ARMC8: variants seen among roughly 807,000 people sequenced by gnomAD.
ARMC8 encodes armadillo repeat containing 8.
In ARMC8, 20 loss-of-function variants were observed where a neutral mutation model predicts 99.3. That is an observed-to-expected ratio of 0.20 (90% CI 0.14 to 0.29). ARMC8 has a LOEUF of 0.29. Ranked by LOEUF, ARMC8 falls within the 10% of genes least tolerant of loss-of-function variation. The pLI is 1.00. For missense variants in ARMC8, 569 were observed against 809.5 expected, an observed-to-expected ratio of 0.70 and a Z score of 3.60; for synonymous variants, 263 against 278.3, an observed-to-expected ratio of 0.95 and a Z score of 0.55.
intron 1 of ARMC8, among the ~76,000 whole-genome samples, chr3:138,197,262 T>C (rs1053646309): frequency 1.3e-5 from 2 of 152,218 alleles, no homozygotes; most frequent in Non-Finnish European, 2.9e-5. Flanking sequence ...ATGCACCAGC[T>C]GCTGCAAATG....
chr3:138,262,558 C>CTG (rs1349984040), intron 12 of ARMC8: 1 of 1,611,614 alleles, frequency 6.2e-7, no homozygotes, highest in Non-Finnish European at 8.5e-7. Flanking sequence ...GGTCAGTGAT[C>CTG]TTCAACCTTG....
At chr3:138,232,258 G>A (rs968329612) in intron 6 of ARMC8, among the ~76,000 whole-genome samples, 3 of 151,950 alleles carry the variant, frequency 2.0e-5, no homozygotes, top group African/African-American at 7.3e-5. Flanking sequence ...TTACAGACAT[G>A]AGCCACTGCG....
intron 21 of ARMC8, among the ~76,000 whole-genome samples, chr3:138,293,506 T>C (rs2051183584): frequency 6.6e-6 from 1 of 151,472 alleles, no homozygotes; most frequent in Admixed American, 6.6e-5. Flanking sequence ...ACCAGTGCAC[T>C]CCAGCCTAGG....
At chr3:138,286,728 GT>G (rs1220151522) in intron 19 of ARMC8, among the ~76,000 whole-genome samples, 1 of 152,072 alleles carries the variant, frequency 6.6e-6, no homozygotes, top group Non-Finnish European at 1.5e-5. Context: ...TACAGACAGA[GT>G]TGAGAACCAT....
intron 1 of ARMC8, chr3:138,187,918 C>G: frequency 4.8e-6 from 2 of 413,786 alleles, no homozygotes; most frequent in East Asian, 3.9e-5. Flanking sequence ...TTTCACTGAG[C>G]CTTCCTTTTA....
chr3:138,285,570 C>T (rs2050328947), intron 19 of ARMC8, among the ~76,000 whole-genome samples: 1 of 152,180 alleles, frequency 6.6e-6, no homozygotes, highest in African/African-American at 2.4e-5. Context: ...CTCAGCTGAA[C>T]TTATACTTTC....
In ARMC8 at chr3:138,267,028, A is replaced by C. The variant is rs983609292; in HGVS notation, c.1300-127A>C. On this transcript the variant is annotated intron_variant, in intron 14 of 21. Coordinates refer to ENST00000469044, the MANE Select transcript of ARMC8 (RefSeq NM_001363941.2). Reference sequence around the variant, plus strand: ...ACACAGTATCAAGTGGATTCTTCCTATCTCTCCAATACGAAGAATCAGGTT... The same window carrying C: ...ACACAGTATCAAGTGGATTCTTCCTCTCTCTCCAATACGAAGAATCAGGTT... 2.5e-5 allele frequency: 14 copies of C among 564,964 alleles called. No individual in the cohort carries two copies. The East Asian group carries it at 3.7e-4, about 15-fold the overall frequency. 35.0% of individuals were successfully genotyped at this position (564,964 alleles called of 1,614,324 possible). A position where few individuals can be genotyped will look rare whatever the true frequency, so the allele number is the denominator to read the frequency against.
chr3:138,237,170 T>A, intron 7 of ARMC8, 139 bp from the exon 8 acceptor site: 1 of 694,840 alleles, frequency 1.4e-6, no homozygotes, highest in South Asian at 1.7e-5. Context: ...GCTGTACAGG[T>A]GTTATTGTTA....
In ARMC8 at chr3:138,252,895, T is replaced by C. The variant is rs552473377; in HGVS notation, c.1134+7712T>C. On this transcript the variant is annotated intron_variant, in intron 12 of 21. Coordinates refer to ENST00000469044, the MANE Select transcript of ARMC8 (RefSeq NM_001363941.2). ...GGGAGAAGCCAGTTGTCTGACTTTC[T>C]GAAGAAAGGCATTATCAATTGTTGA... Among the ~76,000 whole-genome samples, 6 of 152,180 alleles carry C rather than the reference T, an allele frequency of 3.9e-5. No individual in the cohort carries two copies. The East Asian group carries it at 1.2e-3, about 29-fold the overall frequency.
chr3:138,196,525 A>G (rs555593852), intron 1 of ARMC8, among the ~76,000 whole-genome samples: 74 of 152,276 alleles, frequency 4.9e-4, no homozygotes, highest in Middle Eastern at 6.8e-3. Context: ...CCTGAAACCC[A>G]GAAGTCACTC....
chr3:138,204,866 C>T (rs2044273150), intron 1 of ARMC8, among the ~76,000 whole-genome samples: 1 of 151,994 alleles, frequency 6.6e-6, no homozygotes, highest in Admixed American at 6.6e-5. Context: ...ATTTACACGT[C>T]TAGCCCACAA....
rs144905685 is a variant in ARMC8 at position 138,212,402 on chromosome 3, C to A, written c.122+2509C>A. Among the ~76,000 whole-genome samples the A allele has an allele frequency of 3.4e-4, 51 of 151,594 alleles. No homozygotes were observed. The East Asian group carries it at 7.6e-3, about 23-fold the overall frequency. On this transcript the variant is annotated intron_variant, in intron 2 of 21. Transcript: ENST00000469044. ...TCGGCTCACCGCAACCTCCACCTCC[C>A]GGGTTCAAATAATTCTCCTGCCTCA... is the stretch of plus-strand genomic sequence containing the variant.
At chr3:138,199,057 T>C (rs752309062) in intron 1 of ARMC8, among the ~76,000 whole-genome samples, 33 of 152,274 alleles carry the variant, frequency 2.2e-4, no homozygotes, top group Non-Finnish European at 3.7e-4. Context: ...CATTCTACAC[T>C]GTTGAGGCCC....
chr3:138,247,488 A>G (rs2046934677), intron 12 of ARMC8, among the ~76,000 whole-genome samples: 2 of 152,232 alleles, frequency 1.3e-5, no homozygotes, highest in South Asian at 4.1e-4. Context: ...GTTTCAGGAG[A>G]AAAACATGAA....
intron 11 of ARMC8, 65 bp downstream of exon 11, chr3:138,242,048 A>G: frequency 1.5e-6 from 2 of 1,371,788 alleles, no homozygotes; most frequent in Non-Finnish European, 2.1e-6. Flanking sequence ...TACTGTTCAC[A>G]GTTTTGAACC....
Position 138,208,962 on chromosome 3 carries a change from C to G in ARMC8, c.46-855C>G, listed in dbSNP as rs541987509. ...CAGCTTGGGTGGCCTACAGATCACT[C>G]TAATTCTTAATTGTTTTCCTTCACA... On this transcript the variant is annotated intron_variant, in intron 1 of 21. Coordinates refer to ENST00000469044, the MANE Select transcript of ARMC8 (RefSeq NM_001363941.2). 1.8e-4 allele frequency among the ~76,000 whole-genome samples: 27 copies of G among 152,286 alleles called. No homozygotes were observed. In the South Asian group the frequency reaches 3.5e-3, roughly 20 times the overall value.
At chr3:138,190,437 C>T (rs1421283774) in intron 1 of ARMC8, among the ~76,000 whole-genome samples, 1 of 152,052 alleles carries the variant, frequency 6.6e-6, no homozygotes, top group East Asian at 1.9e-4. Context: ...CAGGCATCCA[C>T]TACCATGCCT....
intron 21 of ARMC8, among the ~76,000 whole-genome samples, chr3:138,293,135 A>C (rs1489093437): frequency 6.6e-6 from 1 of 152,106 alleles, no homozygotes; most frequent in African/African-American, 2.4e-5. Flanking sequence ...GCTCCACTGA[A>C]GGGGAGAGGA....
At chr3:138,262,670 C>A in intron 12 of ARMC8, 1 of 1,334,226 alleles carries the variant, frequency 7.5e-7, no homozygotes, top group Non-Finnish European at 9.9e-7. Context: ...GCTGTATGGC[C>A]TGGACATAGG....
Sources: allele counts gnomAD v4.1 joint callset (sites outside exome capture counted in the v4.1 genomes callset), GRCh38; gene constraint gnomAD v4.1.1; transcripts MANE v1.5; gene names NCBI Gene and HGNC (gene_info 2026-07-23, HGNC 2026-07-21).